PTPN13: variants seen among roughly 807,000 people sequenced by gnomAD.
The protein encoded by PTPN13 is tyrosine-protein phosphatase non-receptor type 13.
A neutral mutation model predicts 284.0 loss-of-function variants in PTPN13; 191 were observed. The observed-to-expected ratio is 0.67, with a 90% CI of 0.60 to 0.76. The LOEUF is 0.76. Ranked by LOEUF, PTPN13 falls within the 30% of genes least tolerant of loss-of-function variation. The probability of loss-of-function intolerance (pLI) is 0.00; values close to 1 mark genes in which losing one functional copy is unlikely to be tolerated. For missense variants in PTPN13, 2,797 were observed against 2,939.9 expected, an observed-to-expected ratio of 0.95 and a Z score of 1.12; for synonymous variants, 986 against 1,022.3, an observed-to-expected ratio of 0.96 and a Z score of 0.68.
intron 17 of PTPN13, among the ~76,000 whole-genome samples, chr4:86,748,173 TG>T (rs1488289588): frequency 6.6e-6 from 1 of 152,162 alleles, no homozygotes; most frequent in East Asian, 1.9e-4. Flanking sequence ...ATGATTAAGC[TG>T]GAGATATAAG....
chr4:86,770,050 T>G, intron 29 of PTPN13, 51 bp from the exon 30 acceptor site: 1 of 1,612,036 alleles, frequency 6.2e-7, no homozygotes, highest in South Asian at 1.1e-5. Flanking sequence ...CAGAATGGTT[T>G]CATAATGCTG....
chr4:86,809,763 T>C lies in PTPN13; in HGVS notation c.7084-6T>C. 6.2e-7 allele frequency: 1 copy of C among 1,612,210 alleles called. No individual in the cohort carries two copies. The highest frequency in any genetic ancestry group is 8.5e-7 in the Non-Finnish European group (1 of 1,178,248). ...ATGATCCACTTATTCTGTTATACAATTTCAGACCAGAGAGGTGCGCCATAT... is the reference window on the plus strand; with the variant it reads ...ATGATCCACTTATTCTGTTATACAACTTCAGACCAGAGAGGTGCGCCATAT... On this transcript the variant is annotated splice_polypyrimidine_tract_variant and splice_region_variant and intron_variant, in intron 45 of 47. Transcript: ENST00000411767.
chr4:86,604,663 TACC>T (rs1277701365), intron 1 of PTPN13, among the ~76,000 whole-genome samples: 2 of 151,884 alleles, frequency 1.3e-5, no homozygotes, highest in Non-Finnish European at 2.9e-5. Context: ...TAGAAAAAAA[TACC>T]ACAGCATTAT....
At chr4:86,734,077 A>T (rs1735235672) in intron 12 of PTPN13, among the ~76,000 whole-genome samples, 1 of 152,272 alleles carries the variant, frequency 6.6e-6, no homozygotes, top group Admixed American at 6.5e-5. Context: ...CAGGTGTTGA[A>T]TCTAGGACTG....
At chr4:86,764,833 T>TA in intron 25 of PTPN13, 109 bp downstream of exon 25, 3 of 1,237,050 alleles carry the variant, frequency 2.4e-6, no homozygotes, top group Non-Finnish European at 3.3e-6. Flanking sequence ...ACACATCAAA[T>TA]ACCTCCAAAA....
intron 3 of PTPN13, among the ~76,000 whole-genome samples, chr4:86,684,387 G>C (rs1228186319): frequency 2.0e-5 from 3 of 152,126 alleles, no homozygotes; most frequent in Non-Finnish European, 1.5e-5. Flanking sequence ...AAATTATCTA[G>C]ATGTGCCTAG....
chr4:86,678,466 G>A (rs1314706676), intron 3 of PTPN13, among the ~76,000 whole-genome samples: 1 of 152,050 alleles, frequency 6.6e-6, no homozygotes, highest in Non-Finnish European at 1.5e-5. Flanking sequence ...CTTTCTAAAG[G>A]GCTAAAAAGT....
At chr4:86,657,313 C>G (rs1294030816) in intron 2 of PTPN13, among the ~76,000 whole-genome samples, 8 of 152,200 alleles carry the variant, frequency 5.3e-5, no homozygotes, top group Non-Finnish European at 7.3e-5. Context: ...CTGCGTCGCT[C>G]ACGCTGGGAG....
intron 27 of PTPN13, among the ~76,000 whole-genome samples, chr4:86,766,980 CGCA>C (rs1739399578): frequency 6.6e-6 from 1 of 151,956 alleles, no homozygotes; most frequent in Admixed American, 6.6e-5. Context: ...AGTGCAGTGG[CGCA>C]ATCACGGCTC....
At chr4:86,622,347 A>T (rs891049932) in intron 1 of PTPN13, among the ~76,000 whole-genome samples, 1 of 152,212 alleles carries the variant, frequency 6.6e-6, no homozygotes, top group Non-Finnish European at 1.5e-5. Flanking sequence ...TTTGAGAGAG[A>T]TAATTACAGA....
intron 15 of PTPN13, among the ~76,000 whole-genome samples, chr4:86,736,096 A>G (rs1244983248): frequency 6.6e-6 from 1 of 152,230 alleles, no homozygotes; most frequent in East Asian, 1.9e-4. Flanking sequence ...AGGCAAGTTC[A>G]TACTGATTCT....
At chr4:86,788,591 T>C (rs1366549356) in intron 40 of PTPN13, among the ~76,000 whole-genome samples, 1 of 152,228 alleles carries the variant, frequency 6.6e-6, no homozygotes, top group East Asian at 1.9e-4. Flanking sequence ...GTAATTGTAC[T>C]CTTTGGTACC....
intron 10 of PTPN13, among the ~76,000 whole-genome samples, chr4:86,732,151 T>G (rs1735017547): frequency 6.6e-6 from 1 of 152,198 alleles, no homozygotes; most frequent in Non-Finnish European, 1.5e-5. Flanking sequence ...ATGTTTGACA[T>G]CAATAGTAGA....
chr4:86,741,467 A>G (rs1578547593), intron 15 of PTPN13, among the ~76,000 whole-genome samples, 167 bp from the exon 16 acceptor site: 1 of 152,210 alleles, frequency 6.6e-6, no homozygotes, highest in East Asian at 1.9e-4. Flanking sequence ...CACAGGAAAG[A>G]CCTGCCCCCA....
chr4:86,719,746 T>C (rs530741669), intron 9 of PTPN13, among the ~76,000 whole-genome samples: 25 of 152,348 alleles, frequency 1.6e-4, no homozygotes, highest in South Asian at 1.0e-3. Context: ...CTTTTTTCAA[T>C]GCTTGTAGGC....
At chr4:86,617,460 A>G (rs1438231080) in intron 1 of PTPN13, among the ~76,000 whole-genome samples, 1 of 152,124 alleles carries the variant, frequency 6.6e-6, no homozygotes, top group Non-Finnish European at 1.5e-5. Flanking sequence ...GTTTTAGGGT[A>G]CATGTGCACA....
intron 1 of PTPN13, among the ~76,000 whole-genome samples, chr4:86,626,111 A>G (rs1174811350): frequency 1.3e-5 from 2 of 152,054 alleles, no homozygotes; most frequent in African/African-American, 4.8e-5. Context: ...GAAATTAGAG[A>G]TTTCCCCCCT....
At chr4:86,690,432 G>T (rs1047964660) in intron 5 of PTPN13, 5 of 151,998 alleles carry the variant, frequency 3.3e-5, no homozygotes, top group Non-Finnish European at 7.4e-5. Context: ...GAACTTCTTA[G>T]AACCTTTAAT....
chr4:86,791,246 G>A (rs142160465), intron 40 of PTPN13, among the ~76,000 whole-genome samples: 4 of 152,186 alleles, frequency 2.6e-5, no homozygotes, highest in African/African-American at 7.2e-5. Flanking sequence ...CACTGCCAGC[G>A]CAGCAGTCTG....
Sources: gnomAD v4.1 joint callset for allele counts (sites outside exome capture counted in the v4.1 genomes callset) on GRCh38, gnomAD v4.1.1 for gene constraint, MANE v1.5 for transcripts, NCBI Gene and HGNC (gene_info 2026-07-23, HGNC 2026-07-21) for gene names.